HDAC4: variants seen among roughly 807,000 people sequenced by gnomAD.
The protein encoded by HDAC4 is histone deacetylase A.
A neutral mutation model predicts 135.1 loss-of-function variants in HDAC4; 16 were observed. That is an observed-to-expected ratio of 0.12 (90% confidence interval 0.08 to 0.18). The LOEUF (loss-of-function observed/expected upper bound fraction) is 0.18, where lower values mean the gene tolerates loss of function less well. Among genes scored for constraint, HDAC4 ranks in the 10% least tolerant of loss-of-function variants. The pLI, the probability that HDAC4 is intolerant of heterozygous loss-of-function variation, is 1.00. For missense variants in HDAC4, 1,143 were observed against 1,511.8 expected (o/e 0.76, Z 4.05); for synonymous variants, 685 against 653.4 (o/e 1.05, Z -0.74).
intron 3 of HDAC4, among the ~76,000 whole-genome samples, chr2:239,213,911 C>A (rs1364463649): frequency 6.6e-6 from 1 of 152,228 alleles, no homozygotes; most frequent in Non-Finnish European, 1.5e-5. Flanking sequence ...GCCTGCTAGT[C>A]CCCATTTCAC....
intron 2 of HDAC4, among the ~76,000 whole-genome samples, chr2:239,253,887 T>C (rs1390282849): frequency 6.6e-6 from 1 of 152,050 alleles, no homozygotes; most frequent in Non-Finnish European, 1.5e-5. Context: ...GAGGTGGCCA[T>C]GAGCGTGGCT....
At chr2:239,397,078 G>A (rs1416582044) in intron 1 of HDAC4, among the ~76,000 whole-genome samples, 1 of 152,262 alleles carries the variant, frequency 6.6e-6, no homozygotes, top group Non-Finnish European at 1.5e-5. Context: ...AGTCAACACA[G>A]CACTAGAAAG....
chr2:239,051,847 T>TTATA lies in HDAC4; in HGVS notation c.*1246_*1249dup, dbSNP rs35799252. On this transcript the variant is annotated 3_prime_UTR_variant, in exon 27 of 27. Coordinates refer to ENST00000543185, the MANE Select transcript of HDAC4 (RefSeq NM_001378414.1). ...GGGACCTTCGCAATCTGCATTCATTTTATATATATATATATACTTTTTCTA... is the reference window on the plus strand; with the variant it reads ...GGGACCTTCGCAATCTGCATTCATTTTATATATATATATATATATACTTTTTCTA... The TTATA allele has an allele frequency of 1.3e-5, 2 of 150,256 alleles. No individual in the cohort carries two copies. The highest frequency in any genetic ancestry group is 4.9e-5 in the African/African-American group (2 of 40,954). 9.3% of individuals were successfully genotyped at this position (150,256 alleles called of 1,614,324 possible).
At chr2:239,176,835 A>T (rs2043807254) in intron 4 of HDAC4, among the ~76,000 whole-genome samples, 1 of 152,240 alleles carries the variant, frequency 6.6e-6, no homozygotes, top group Non-Finnish European at 1.5e-5. Context: ...GAGTTATGTT[A>T]TCTTGCAAGT....
At chr2:239,089,291 A>T (rs1559404000) in intron 18 of HDAC4, among the ~76,000 whole-genome samples, 1 of 152,208 alleles carries the variant, frequency 6.6e-6, no homozygotes, top group East Asian at 1.9e-4. Context: ...GTCCACAGGC[A>T]AGACATTAGT....
At chr2:239,123,803 G>A (rs1368235946) in intron 12 of HDAC4, among the ~76,000 whole-genome samples, 2 of 152,132 alleles carry the variant, frequency 1.3e-5, no homozygotes, top group African/African-American at 4.8e-5. Context: ...GTGGTGTAGG[G>A]GTCTCTCCCC....
intron 2 of HDAC4, among the ~76,000 whole-genome samples, chr2:239,347,118 T>C (rs72994544): frequency 0.15 from 16,029 of 106,820 alleles, 1,586 homozygotes; most frequent in East Asian, 0.45. Flanking sequence ...CACAGACACT[T>C]TGTGGTATTC....
chr2:239,094,018 A>G (rs2036758310), intron 17 of HDAC4: 1 of 985,276 alleles, frequency 1.0e-6, no homozygotes, highest in African/African-American at 1.7e-5. Context: ...GAAGAAAACA[A>G]TTTTGTTTCA....
intron 2 of HDAC4, among the ~76,000 whole-genome samples, chr2:239,346,665 C>T (rs1217018128): frequency 4.6e-5 from 7 of 150,676 alleles, no homozygotes. Context: ...TATCTTAATA[C>T]AGTCTAAAAC....
chr2:239,063,107 C>A (rs1426800554), intron 24 of HDAC4, among the ~76,000 whole-genome samples: 1 of 152,194 alleles, frequency 6.6e-6, no homozygotes, highest in Non-Finnish European at 1.5e-5. Flanking sequence ...GGTCTGCTGT[C>A]CCGGGGTCAC....
chr2:239,342,804 C>T (rs1692373717), intron 2 of HDAC4, among the ~76,000 whole-genome samples: 1 of 152,136 alleles, frequency 6.6e-6, no homozygotes, highest in Admixed American at 6.5e-5. Flanking sequence ...GCCAGCCGGG[C>T]TCAGGATCCT....
intron 25 of HDAC4, among the ~76,000 whole-genome samples, chr2:239,054,358 G>A (rs544916007): frequency 6.6e-6 from 1 of 152,226 alleles, no homozygotes; most frequent in East Asian, 1.9e-4. Context: ...CAGGGCCAAG[G>A]GTTCTTTGAG....
chr2:239,359,461 C>T (rs1031486425), intron 1 of HDAC4, among the ~76,000 whole-genome samples: 5 of 152,188 alleles, frequency 3.3e-5, no homozygotes, highest in East Asian at 1.9e-4. Flanking sequence ...GTGTCCTCTG[C>T]GCTGAGGGAA....
chr2:239,183,730 CCT>C (rs913074799), intron 4 of HDAC4, among the ~76,000 whole-genome samples: 23 of 152,314 alleles, frequency 1.5e-4, no homozygotes, highest in African/African-American at 4.8e-4. Flanking sequence ...CCACCGCACC[CCT>C]GTCCTGGCGC....
At chr2:239,348,435 G>A (rs541469044) in intron 2 of HDAC4, among the ~76,000 whole-genome samples, 3 of 152,348 alleles carry the variant, frequency 2.0e-5, no homozygotes, top group South Asian at 2.1e-4. Flanking sequence ...AAGTAACAAC[G>A]TCTGCCTTTC....
At chr2:239,335,221 A>C (rs997875763) in intron 2 of HDAC4, among the ~76,000 whole-genome samples, 2 of 152,140 alleles carry the variant, frequency 1.3e-5, no homozygotes, top group East Asian at 3.8e-4. Flanking sequence ...AAGTGCAAAA[A>C]CAGATCCATT....
intron 2 of HDAC4, among the ~76,000 whole-genome samples, chr2:239,310,803 TC>T (rs1460479865): frequency 6.6e-6 from 1 of 152,058 alleles, no homozygotes; most frequent in East Asian, 1.9e-4. Context: ...GTCCAACACT[TC>T]CCTCCAAAAC....
intron 4 of HDAC4, among the ~76,000 whole-genome samples, chr2:239,179,724 C>T (rs546264045): frequency 1.3e-5 from 2 of 152,328 alleles, no homozygotes; most frequent in Admixed American, 6.5e-5. Flanking sequence ...AGGATTACAT[C>T]GGACGGGCAG....
intron 2 of HDAC4, among the ~76,000 whole-genome samples, chr2:239,291,065 G>A (rs535665942): frequency 6.6e-6 from 1 of 152,360 alleles, no homozygotes; most frequent in Admixed American, 6.5e-5. Context: ...GCTGGTGCGT[G>A]CCCGGGACAG....
Sources: gnomAD v4.1 joint callset for allele counts (sites outside exome capture counted in the v4.1 genomes callset) on GRCh38, gnomAD v4.1.1 for gene constraint, MANE v1.5 for transcripts, NCBI Gene and HGNC (gene_info 2026-07-23, HGNC 2026-07-21) for gene names.